The following ST8SIA1 variants were observed in gnomAD, a reference collection of about 807,000 sequenced individuals.
ST8SIA1 encodes the protein alpha-N-acetylneuraminide alpha-2,8-sialyltransferase.
ST8SIA1 carries 16 observed loss-of-function variants against 35.9 expected under a neutral mutation model. The observed-to-expected ratio is 0.45, with a 90% CI of 0.30 to 0.68. The LOEUF is 0.68. ST8SIA1 is among the 30% of genes least tolerant of loss of function. The pLI is 0.09. For synonymous variants in ST8SIA1, 170 were observed against 169.6 expected (o/e 1.00, Z -0.02); for missense variants, 383 against 453.6 (o/e 0.84, Z 1.41).
intron 1 of ST8SIA1, among the ~76,000 whole-genome samples, chr12:22,304,334 C>CTTT (rs3063802): frequency 1.1e-4 from 12 of 106,226 alleles, no homozygotes; most frequent in South Asian, 3.1e-4. Context: ...TTTTCTTTTT[C>CTTT]TTTTTTTTTT....
At chr12:22,292,073 T>G (rs576413458) in intron 1 of ST8SIA1, among the ~76,000 whole-genome samples, 2 of 152,266 alleles carry the variant, frequency 1.3e-5, no homozygotes, top group East Asian at 3.9e-4. Context: ...TTTGAAGAAC[T>G]ATATTTAATT....
rs1193819602 is a variant in ST8SIA1, at chr12:22,194,361, A to G, written c.*7191T>C. 1 of 152,230 alleles carries G rather than the reference A, an allele frequency of 6.6e-6. No individual in the cohort carries two copies. The highest frequency in any genetic ancestry group is 6.5e-5 in the Admixed American group (1 of 15,282). The allele number at this position is 152,230 out of a possible 1,614,324, so 9.4% of individuals were successfully genotyped here. On this transcript the variant is annotated 3_prime_UTR_variant, in exon 5 of 5. Transcript: ENST00000396037. ...TATGACTTCAATGAAGGATATTTACATACTATTATCAGACTTCTCCAAGGC... is the reference window on the plus strand; with the variant it reads ...TATGACTTCAATGAAGGATATTTACGTACTATTATCAGACTTCTCCAAGGC...
At chr12:22,280,832 G>T (rs1012667689) in intron 2 of ST8SIA1, among the ~76,000 whole-genome samples, 1 of 152,144 alleles carries the variant, frequency 6.6e-6, no homozygotes, top group African/African-American at 2.4e-5. Context: ...CAGTTACACA[G>T]CAATTTGAAG....
At chr12:22,296,915 G>A (rs1866252611) in intron 1 of ST8SIA1, among the ~76,000 whole-genome samples, 1 of 152,132 alleles carries the variant, frequency 6.6e-6, no homozygotes, top group African/African-American at 2.4e-5. Flanking sequence ...TTAGACATGT[G>A]CGCAAGTAGC....
At chr12:22,252,984 T>C (rs1865691225) in intron 3 of ST8SIA1, among the ~76,000 whole-genome samples, 1 of 152,238 alleles carries the variant, frequency 6.6e-6, no homozygotes. Context: ...CCTTACATAA[T>C]TTTTGGGAAG....
At chr12:22,322,134 G>C (rs1347076802) in intron 1 of ST8SIA1, among the ~76,000 whole-genome samples, 3 of 152,232 alleles carry the variant, frequency 2.0e-5, no homozygotes, top group Non-Finnish European at 4.4e-5. Context: ...GAATGGACCA[G>C]AGTGGAGATT....
At chr12:22,259,454 A>T (rs1865762589) in intron 2 of ST8SIA1, among the ~76,000 whole-genome samples, 1 of 146,856 alleles carries the variant, frequency 6.8e-6, no homozygotes, top group African/African-American at 2.5e-5. Flanking sequence ...TAATTGAGAA[A>T]ATACTATGGA....
At chr12:22,223,871 C>T in intron 4 of ST8SIA1, 1 of 1,029,352 alleles carries the variant, frequency 9.7e-7, no homozygotes, top group Non-Finnish European at 1.2e-6. Context: ...CAAAATAATA[C>T]TTAATTCTGT....
intron 4 of ST8SIA1, among the ~76,000 whole-genome samples, chr12:22,229,167 AG>A (rs1186254539): frequency 3.3e-5 from 5 of 152,072 alleles, no homozygotes; most frequent in African/African-American, 1.2e-4. Flanking sequence ...GGAAGATCTT[AG>A]GACACTATTT....
chr12:22,252,487 C>T (rs1056676435), intron 3 of ST8SIA1, among the ~76,000 whole-genome samples: 11 of 152,128 alleles, frequency 7.2e-5, no homozygotes, highest in African/African-American at 2.7e-4. Flanking sequence ...TTAAAACATA[C>T]ATAAGGCTTT....
rs1300588141 is a variant in ST8SIA1 at position 22,196,195 on chromosome 12, T to C, written c.*5357A>G. 1 of 152,196 alleles carries C rather than the reference T, an allele frequency of 6.6e-6. No individual in the cohort carries two copies. The highest frequency in any genetic ancestry group is 1.5e-5 in the Non-Finnish European group (1 of 68,036). The allele number at this position is 152,196 out of a possible 1,614,324, so 9.4% of individuals were successfully genotyped here. On this transcript the variant is annotated 3_prime_UTR_variant, in exon 5 of 5. Coordinates refer to ENST00000396037, the MANE Select transcript of ST8SIA1 (RefSeq NM_003034.4). ...ATTATCTGGCAAATGCTCGCAGGCA[T>C]GTAAGTCAATTTAAAATATGGTATT...
intron 3 of ST8SIA1, among the ~76,000 whole-genome samples, chr12:22,254,438 C>T (rs1565578923): frequency 6.6e-6 from 1 of 152,148 alleles, no homozygotes. Flanking sequence ...AGCGCTCTTC[C>T]TGCCCAGCCC....
intron 2 of ST8SIA1, among the ~76,000 whole-genome samples, chr12:22,266,041 C>T (rs145281544): frequency 4.2e-4 from 64 of 152,158 alleles, no homozygotes; most frequent in African/African-American, 1.5e-3. Flanking sequence ...AATATTCCCT[C>T]CACACCATTT....
chr12:22,249,223 T>TG, intron 3 of ST8SIA1, 125 bp from the exon 4 acceptor site: 1 of 551,824 alleles, frequency 1.8e-6, no homozygotes, highest in Non-Finnish European at 2.9e-6. Context: ...GTTTTTTGTT[T>TG]TTTTTTTTTT....
chr12:22,334,391 A>G lies in ST8SIA1; in HGVS notation c.-159T>C, dbSNP rs1555163870. 1.6e-6 allele frequency: 1 copy of G among 616,858 alleles called. No individual in the cohort carries two copies. Among genetic ancestry groups the G allele is most frequent in the South Asian group, 2.0e-5 (1 of 50,848 alleles). The allele number at this position is 616,858 out of a possible 1,614,324, so 38.2% of individuals were successfully genotyped here. A position where few individuals can be genotyped will look rare whatever the true frequency, so the allele number is the denominator to read the frequency against. On this transcript the variant is annotated 5_prime_UTR_variant, in exon 1 of 5. Coordinates refer to ENST00000396037, the MANE Select transcript of ST8SIA1 (RefSeq NM_003034.4). ...GCTTCTTCGGCCCCGTCGGCCCCAA[A>G]GGTCAGCGCAAGGATTTTTTCAAAT... is the stretch of plus-strand genomic sequence containing the variant.
intron 4 of ST8SIA1, among the ~76,000 whole-genome samples, chr12:22,241,545 G>T (rs533157484): frequency 6.6e-6 from 1 of 151,788 alleles, no homozygotes; most frequent in African/African-American, 2.4e-5. Flanking sequence ...TAAAGTCTGC[G>T]GAACCAGGAG....
intron 4 of ST8SIA1, among the ~76,000 whole-genome samples, chr12:22,218,831 TAAATA>T (rs982658342): frequency 2.0e-5 from 3 of 150,646 alleles, no homozygotes; most frequent in African/African-American, 7.3e-5. Context: ...AAAAAATAAA[TAAATA>T]AAATAAAATA....
At chr12:22,275,069 C>G (rs931290868) in intron 2 of ST8SIA1, among the ~76,000 whole-genome samples, 1 of 152,044 alleles carries the variant, frequency 6.6e-6, no homozygotes, top group Non-Finnish European at 1.5e-5. Context: ...GTGGTTGAGA[C>G]TTGGGAGAGG....
chr12:22,243,895 G>C (rs1865569715), intron 4 of ST8SIA1, among the ~76,000 whole-genome samples: 1 of 152,078 alleles, frequency 6.6e-6, no homozygotes, highest in Admixed American at 6.6e-5. Context: ...CCCGGGTGTG[G>C]TGGCACACGC....
Sources: allele counts gnomAD v4.1 joint callset (sites outside exome capture counted in the v4.1 genomes callset), GRCh38; gene constraint gnomAD v4.1.1; transcripts MANE v1.5; gene names NCBI Gene and HGNC (gene_info 2026-07-23, HGNC 2026-07-21).